The following ELL2 variants were observed in gnomAD, a reference collection of about 807,000 sequenced individuals.
ELL2 encodes RNA polymerase II elongation factor ELL2.
In ELL2, 21 loss-of-function variants were observed where a neutral mutation model predicts 72.8. That is an observed-to-expected ratio of 0.29 (90% confidence interval 0.20 to 0.42). The LOEUF (loss-of-function observed/expected upper bound fraction) is 0.42, where lower values mean the gene tolerates loss of function less well. Ranked by LOEUF, ELL2 falls within the 10% of genes least tolerant of loss-of-function variation. The pLI is 1.00. For missense variants in ELL2, 568 were observed against 772.8 expected, an observed-to-expected ratio of 0.73 and a Z score of 3.14; for synonymous variants, 266 against 283.2, an observed-to-expected ratio of 0.94 and a Z score of 0.61.
chr5:95,961,505 C>G, intron 1 of ELL2, 70 bp downstream of exon 1: 1 of 1,374,126 alleles, frequency 7.3e-7, no homozygotes, highest in African/African-American at 1.5e-5. Context: ...GGCCCCGCAC[C>G]CGGGCGCGGC....
At chr5:95,936,665 C>T (rs1392270182) in intron 2 of ELL2, among the ~76,000 whole-genome samples, 2 of 152,044 alleles carry the variant, frequency 1.3e-5, no homozygotes, top group Non-Finnish European at 2.9e-5. Context: ...TGCCTATAGT[C>T]CCAGCTACCC....
intron 5 of ELL2, among the ~76,000 whole-genome samples, chr5:95,902,943 G>A (rs548577121): frequency 4.6e-5 from 7 of 151,512 alleles, no homozygotes; most frequent in East Asian, 2.0e-4. Flanking sequence ...CACTATGCCC[G>A]GCTAGTTTTT....
At chr5:95,919,187 G>A (rs1219890505) in intron 3 of ELL2, among the ~76,000 whole-genome samples, 2 of 152,026 alleles carry the variant, frequency 1.3e-5, no homozygotes, top group Admixed American at 6.6e-5. Flanking sequence ...AATATCTTCT[G>A]TACCTTAAAA....
intron 9 of ELL2, among the ~76,000 whole-genome samples, chr5:95,894,112 C>A (rs1191308528): frequency 6.6e-6 from 1 of 152,126 alleles, no homozygotes; most frequent in South Asian, 2.1e-4. Context: ...ATTACCCAGG[C>A]GTGGTAGTGG....
At chr5:95,940,492 G>A (rs1750931545) in intron 2 of ELL2, among the ~76,000 whole-genome samples, 2 of 152,152 alleles carry the variant, frequency 1.3e-5, no homozygotes, top group Non-Finnish European at 2.9e-5. Flanking sequence ...ACCATGCAGT[G>A]CTTAGTGTGA....
At chr5:95,897,689 C>T (rs529382406) in intron 8 of ELL2, among the ~76,000 whole-genome samples, 5 of 152,282 alleles carry the variant, frequency 3.3e-5, no homozygotes, top group East Asian at 1.9e-4. Flanking sequence ...ATTAAGCGAA[C>T]GCTAGCCAAC....
At chr5:95,919,741 A>G (rs921624356) in intron 2 of ELL2, among the ~76,000 whole-genome samples, 196 bp from the exon 3 acceptor site, 1 of 152,228 alleles carries the variant, frequency 6.6e-6, no homozygotes, top group Non-Finnish European at 1.5e-5. Flanking sequence ...CCAGATTCTT[A>G]TTTCCATTTT....
chr5:95,925,085 T>A (rs1349689663), intron 2 of ELL2, among the ~76,000 whole-genome samples: 4 of 152,230 alleles, frequency 2.6e-5, no homozygotes, highest in Non-Finnish European at 5.9e-5. Flanking sequence ...GAGGTATACA[T>A]TAGATTAAAA....
chr5:95,899,468 G>A (rs1255835102), intron 7 of ELL2, among the ~76,000 whole-genome samples: 4 of 148,330 alleles, frequency 2.7e-5, no homozygotes, highest in Non-Finnish European at 5.9e-5. Context: ...TTTTTTTACC[G>A]TTACATATCT....
intron 3 of ELL2, 55 bp from the exon 4 acceptor site, chr5:95,913,989 G>A: frequency 6.8e-7 from 1 of 1,460,114 alleles, no homozygotes; most frequent in Non-Finnish European, 9.1e-7. Flanking sequence ...GTACAATAAA[G>A]GCAAACAAGA....
intron 9 of ELL2, among the ~76,000 whole-genome samples, chr5:95,893,409 G>A (rs1251289504): frequency 6.6e-6 from 1 of 152,092 alleles, no homozygotes; most frequent in African/African-American, 2.4e-5. Context: ...TTTTGAGATG[G>A]TGTCTTGCTC....
rs1028841318 is a variant in ELL2 at position 95,887,967 on chromosome 5, T to C, written c.*904A>G. 1 of 152,626 alleles carries C rather than the reference T, an allele frequency of 6.6e-6. No homozygotes were observed. Among genetic ancestry groups the C allele is most frequent in the Non-Finnish European group, 1.5e-5 (1 of 68,022 alleles). The allele number at this position is 152,626 out of a possible 1,614,324, so 9.5% of individuals were successfully genotyped here. ...TTGTCTTCCACAACAAAAGTAGCAA[T>C]TTGATAGAAGAAAAAAAACAAAAAA... On this transcript the variant is annotated 3_prime_UTR_variant, in exon 12 of 12. Transcript: ENST00000237853.
At chr5:95,942,418 ACTC>A (rs1373780423) in intron 2 of ELL2, among the ~76,000 whole-genome samples, 2 of 152,100 alleles carry the variant, frequency 1.3e-5, no homozygotes, top group African/African-American at 2.4e-5. Context: ...TACTGATTCT[ACTC>A]CTGTAAACTT....
At chr5:95,932,767 T>C (rs919366694) in intron 2 of ELL2, 2 of 152,028 alleles carry the variant, frequency 1.3e-5, no homozygotes, top group Admixed American at 6.6e-5. Context: ...CCACAAACAA[T>C]GGTAAAGAAA....
At chr5:95,910,805 A>G (rs1749560769) in intron 4 of ELL2, among the ~76,000 whole-genome samples, 1 of 152,168 alleles carries the variant, frequency 6.6e-6, no homozygotes, top group Admixed American at 6.5e-5. Flanking sequence ...GGTACCTCGA[A>G]GCTGGCATAG....
intron 2 of ELL2, among the ~76,000 whole-genome samples, chr5:95,925,413 G>A (rs374084726): frequency 7.9e-5 from 12 of 152,128 alleles, no homozygotes; most frequent in African/African-American, 2.9e-4. Flanking sequence ...CCTGCTCCAT[G>A]GCTGTCTGAA....
intron 4 of ELL2, among the ~76,000 whole-genome samples, chr5:95,912,881 C>T (rs766148980): frequency 1.8e-4 from 28 of 152,196 alleles, no homozygotes; most frequent in Non-Finnish European, 3.2e-4. Context: ...TGGAAAGATG[C>T]TAGTTAAGGG....
At chr5:95,935,781 C>G (rs1750752248) in intron 2 of ELL2, among the ~76,000 whole-genome samples, 1 of 152,302 alleles carries the variant, frequency 6.6e-6, no homozygotes, top group Middle Eastern at 3.4e-3. Flanking sequence ...CACCACCTAA[C>G]CAAACGCTCA....
Position 95,961,699 on chromosome 5 carries a change from C to T in ELL2, c.23G>A (p.Gly8Asp), listed in dbSNP as rs1420446597. The T allele has an allele frequency of 6.2e-7, 1 of 1,602,382 alleles. No individual in the cohort carries two copies. Among genetic ancestry groups the T allele is most frequent in the Non-Finnish European group, 8.5e-7 (1 of 1,175,800 alleles). ...CCCATAGCGCTGCTCCTCCCGCAGG[C>T]CCCCTGTCCCCCCCGCCGCCATCTT... Reference protein sequence around the residue: MAAGGTGGLREEQRYGLS... With the variant: MAAGGTGDLREEQRYGLS... Residue 8 changes from glycine to aspartate, a missense_variant, in exon 1 of 12, where the codon GGC becomes GAC. This residue lies in a region of ELL2 where 57 missense variants were observed against 44.4 expected (regional missense o/e 1.28). Transcript: ENST00000237853.
Sources: allele counts gnomAD v4.1 joint callset (sites outside exome capture counted in the v4.1 genomes callset), GRCh38; gene constraint gnomAD v4.1.1; regional missense constraint gnomAD v4.1.1; transcripts MANE v1.5; gene names NCBI Gene and HGNC (gene_info 2026-07-23, HGNC 2026-07-21).